Variants in C1QTNF3 observed in about 807,000 individuals in gnomAD.
The protein encoded by C1QTNF3 is complement C1q tumor necrosis factor-related protein 3.
A neutral mutation model predicts 32.6 loss-of-function variants in C1QTNF3; 26 were observed. The ratio of observed to expected loss-of-function variants is 0.80; its 90% confidence interval spans 0.58 to 1.11. C1QTNF3 has a LOEUF of 1.11. Ranked by LOEUF, C1QTNF3 falls within the 50% of genes least tolerant of loss-of-function variation. The pLI, the probability that C1QTNF3 is intolerant of heterozygous loss-of-function variation, is 0.00. For missense variants in C1QTNF3, 362 were observed against 398.2 expected (o/e 0.91, Z 0.77); for synonymous variants, 155 against 146.0 (o/e 1.06, Z -0.44).
the C1QTNF3 span, among the ~76,000 whole-genome samples, chr5:34,234,253 A>G: frequency 2.6e-5 from 4 of 152,176 alleles, no homozygotes; most frequent in Admixed American, 1.3e-4. Flanking sequence ...TCTTGCTTAC[A>G]TATCAGTTTA....
chr5:34,144,907 A>G, the C1QTNF3 span, among the ~76,000 whole-genome samples: 3 of 152,168 alleles, frequency 2.0e-5, no homozygotes, highest in Non-Finnish European at 4.4e-5. Flanking sequence ...AGGCAGGTGG[A>G]TCACGAGGTC....
the C1QTNF3 span, among the ~76,000 whole-genome samples, chr5:34,094,250 C>CA: frequency 6.6e-6 from 1 of 151,986 alleles, no homozygotes; most frequent in Non-Finnish European, 1.5e-5. Context: ...TGTCTGCTAG[C>CA]AAAAACAACA....
At chr5:34,156,528 C>G in the C1QTNF3 span, among the ~76,000 whole-genome samples, 1 of 152,208 alleles carries the variant, frequency 6.6e-6, no homozygotes, top group Admixed American at 6.5e-5. Context: ...TAACTAATTA[C>G]TCTCCCAATA....
chr5:34,218,655 T>C, the C1QTNF3 span, among the ~76,000 whole-genome samples: 1 of 152,114 alleles, frequency 6.6e-6, no homozygotes, highest in African/African-American at 2.4e-5. Context: ...GAGGAGAGTT[T>C]TGCGAACAGT....
the C1QTNF3 span, among the ~76,000 whole-genome samples, chr5:34,109,583 A>G: frequency 6.6e-6 from 1 of 152,018 alleles, no homozygotes; most frequent in Non-Finnish European, 1.5e-5. Context: ...AGGCTATAAA[A>G]GCTTTAATCT....
chr5:34,056,374 T>C, the C1QTNF3 span, among the ~76,000 whole-genome samples: 2 of 148,928 alleles, frequency 1.3e-5, no homozygotes, highest in African/African-American at 5.0e-5. Context: ...TCTCTAAGAA[T>C]CATACTTATT....
chr5:34,132,502 C>T, the C1QTNF3 span, among the ~76,000 whole-genome samples: 5 of 146,936 alleles, frequency 3.4e-5, no homozygotes, highest in Admixed American at 6.8e-5. Context: ...CAGGTGCAAA[C>T]GTTTAAATAA....
chr5:34,056,727 T>C, the C1QTNF3 span, among the ~76,000 whole-genome samples: 1 of 151,760 alleles, frequency 6.6e-6, no homozygotes, highest in African/African-American at 2.4e-5. Flanking sequence ...CCCAGGCTAG[T>C]CTCAAACTCC....
At chr5:34,220,159 A>C in the C1QTNF3 span, among the ~76,000 whole-genome samples, 1 of 152,090 alleles carries the variant, frequency 6.6e-6, no homozygotes, top group Admixed American at 6.6e-5. Context: ...ACAACTTATA[A>C]AATGCATTTT....
At chr5:34,139,383 A>G in the C1QTNF3 span, among the ~76,000 whole-genome samples, 7 of 152,094 alleles carry the variant, frequency 4.6e-5, no homozygotes, top group African/African-American at 1.7e-4. Flanking sequence ...ATACTTCATA[A>G]AAAACATAGC....
At chr5:34,048,605 G>A in the C1QTNF3 span, among the ~76,000 whole-genome samples, 12 of 151,988 alleles carry the variant, frequency 7.9e-5, no homozygotes, top group African/African-American at 2.2e-4. Context: ...GAAGAATTCT[G>A]GGAATATAGA....
the C1QTNF3 span, among the ~76,000 whole-genome samples, chr5:34,090,681 A>C: frequency 1.3e-5 from 2 of 151,896 alleles, no homozygotes; most frequent in Non-Finnish European, 2.9e-5. Flanking sequence ...GTAGGTAGTT[A>C]GGTTATAAGC....
chr5:34,184,715 C>CAAAAAAAAAA, the C1QTNF3 span, among the ~76,000 whole-genome samples: 1 of 129,558 alleles, frequency 7.7e-6, no homozygotes. Flanking sequence ...GACTCTGTCT[C>CAAAAAAAAAA]AAAAAAAAAA....
At chr5:34,133,973 T>G in the C1QTNF3 span, among the ~76,000 whole-genome samples, 2 of 152,132 alleles carry the variant, frequency 1.3e-5, no homozygotes, top group African/African-American at 4.8e-5. Flanking sequence ...AATGAGTGAG[T>G]GTTTGGTGAC....
At chr5:34,028,548 C>A (rs574824257) in intron 4 of C1QTNF3, among the ~76,000 whole-genome samples, 1 of 152,200 alleles carries the variant, frequency 6.6e-6, no homozygotes, top group Non-Finnish European at 1.5e-5. Flanking sequence ...ACTTTGAAAT[C>A]CAACAGAAAT....
the C1QTNF3 span, among the ~76,000 whole-genome samples, chr5:34,198,063 G>A: frequency 7.6e-6 from 1 of 131,544 alleles, no homozygotes; most frequent in Non-Finnish European, 1.6e-5. Flanking sequence ...GTGAAACCCC[G>A]TCTCTACTAA....
intron 4 of C1QTNF3, among the ~76,000 whole-genome samples, chr5:34,028,178 C>T (rs970909816): frequency 5.3e-5 from 8 of 152,162 alleles, no homozygotes; most frequent in African/African-American, 1.7e-4. Context: ...TTCACCATGT[C>T]AGCCAGGATA....
chr5:34,124,357 A>G, the C1QTNF3 span: 1 of 699,730 alleles, frequency 1.4e-6, no homozygotes, highest in African/African-American at 1.8e-5. Context: ...TAGGTAACTT[A>G]TAAGAAGAGA....
the C1QTNF3 span, among the ~76,000 whole-genome samples, chr5:34,243,512 C>T: frequency 1.3e-5 from 2 of 152,160 alleles, no homozygotes; most frequent in African/African-American, 2.4e-5. Context: ...TATATATGCA[C>T]TCGTATGTTC....
Sources: gnomAD v4.1 joint callset for allele counts (sites outside exome capture counted in the v4.1 genomes callset) on GRCh38, gnomAD v4.1.1 for gene constraint, MANE v1.5 for transcripts, NCBI Gene and HGNC (gene_info 2026-07-23, HGNC 2026-07-21) for gene names.